Variants in PPFIBP1 observed in about 807,000 individuals in gnomAD.
PPFIBP1 encodes the protein liprin-beta-1.
PPFIBP1 carries 112 observed loss-of-function variants against 137.8 expected under a neutral mutation model. The observed-to-expected ratio is 0.81, with a 90% CI of 0.70 to 0.95. PPFIBP1 has a LOEUF of 0.95. PPFIBP1 is among the 40% of genes least tolerant of loss of function. The pLI is 0.00. For missense variants in PPFIBP1, 1,083 were observed against 1,196.6 expected (o/e 0.91, Z 1.40); for synonymous variants, 378 against 417.3 (o/e 0.91, Z 1.15).
At chr12:27,534,395 A>G (rs935599012) in intron 1 of PPFIBP1, among the ~76,000 whole-genome samples, 9 of 152,210 alleles carry the variant, frequency 5.9e-5, no homozygotes, top group African/African-American at 2.2e-4. Flanking sequence ...AAATTCACAG[A>G]CAAGTAACTC....
At chr12:27,595,255 C>CACACACGCGCAT (rs2053064268) in intron 2 of PPFIBP1, among the ~76,000 whole-genome samples, 1 of 152,228 alleles carries the variant, frequency 6.6e-6, no homozygotes, top group African/African-American at 2.4e-5. Flanking sequence ...CGCACAAACA[C>CACACACGCGCAT]ACACACGCGC....
chr12:27,651,262 C>A (rs1197505097), intron 7 of PPFIBP1, among the ~76,000 whole-genome samples: 1 of 151,238 alleles, frequency 6.6e-6, no homozygotes, highest in African/African-American at 2.4e-5. Context: ...TCATTTGGTT[C>A]ATGTTTTAAT....
At chr12:27,571,649 A>G (rs74478980) in intron 1 of PPFIBP1, among the ~76,000 whole-genome samples, 2,502 of 152,324 alleles carry the variant, frequency 0.016, 68 homozygotes, top group African/African-American at 0.057. Flanking sequence ...TGATGACCTC[A>G]CTGGGGTGTG....
At chr12:27,585,463 A>G (rs1395901316) in intron 2 of PPFIBP1, among the ~76,000 whole-genome samples, 2 of 152,208 alleles carry the variant, frequency 1.3e-5, no homozygotes, top group African/African-American at 4.8e-5. Flanking sequence ...AATGACATTC[A>G]CTTTCAGATG....
At chr12:27,621,374 C>T (rs1426073983) in intron 2 of PPFIBP1, among the ~76,000 whole-genome samples, 1 of 152,234 alleles carries the variant, frequency 6.6e-6, no homozygotes, top group Non-Finnish European at 1.5e-5. Context: ...TTACTCCTCC[C>T]TTCAGCCAGC....
chr12:27,525,307 G>A (rs185172133), intron 1 of PPFIBP1, among the ~76,000 whole-genome samples: 1 of 152,038 alleles, frequency 6.6e-6, no homozygotes, highest in Non-Finnish European at 1.5e-5. Context: ...GGAGGAAAAA[G>A]ATACTTTTAA....
intron 2 of PPFIBP1, among the ~76,000 whole-genome samples, chr12:27,625,331 C>G (rs746934699): frequency 2.0e-5 from 3 of 152,144 alleles, no homozygotes; most frequent in Non-Finnish European, 1.5e-5. Context: ...CAACTTATGG[C>G]TAATCTTGTT....
intron 11 of PPFIBP1, 97 bp from the exon 12 acceptor site, chr12:27,664,265 C>T: frequency 1.3e-6 from 1 of 784,326 alleles, no homozygotes; most frequent in South Asian, 1.6e-5. Flanking sequence ...CATGCGTATT[C>T]TTTATGTAAT....
intron 2 of PPFIBP1, among the ~76,000 whole-genome samples, chr12:27,625,206 C>T (rs747713429): frequency 5.3e-5 from 8 of 151,994 alleles, no homozygotes; most frequent in Non-Finnish European, 1.5e-5. Flanking sequence ...GCCATGTTTG[C>T]GCCACTGCAC....
At chr12:27,641,946 A>AAAT (rs2058136122) in intron 4 of PPFIBP1, among the ~76,000 whole-genome samples, 2 of 147,796 alleles carry the variant, frequency 1.4e-5, no homozygotes, top group Non-Finnish European at 3.0e-5. Flanking sequence ...TGCAACTGCA[A>AAAT]AAATAAATAA....
intron 1 of PPFIBP1, among the ~76,000 whole-genome samples, chr12:27,525,711 G>T (rs1156491721): frequency 6.6e-6 from 1 of 152,054 alleles, no homozygotes; most frequent in East Asian, 1.9e-4. Context: ...GATGGAGAAA[G>T]AAAGAAGCCA....
intron 2 of PPFIBP1, among the ~76,000 whole-genome samples, chr12:27,602,828 A>G (rs2054135395): frequency 6.6e-6 from 1 of 152,194 alleles, no homozygotes; most frequent in African/African-American, 2.4e-5. Flanking sequence ...AAAATTGCAG[A>G]CAATATGACT....
intron 3 of PPFIBP1, 34 bp from the exon 4 acceptor site, chr12:27,634,876 C>T: frequency 6.4e-7 from 1 of 1,571,482 alleles, no homozygotes; most frequent in Non-Finnish European, 8.8e-7. Context: ...TAACATAAAT[C>T]CCATTGCTCT....
intron 1 of PPFIBP1, among the ~76,000 whole-genome samples, chr12:27,550,481 A>G (rs1946654439): frequency 1.3e-5 from 2 of 152,240 alleles, no homozygotes; most frequent in Non-Finnish European, 2.9e-5. Context: ...TCCTGTACAC[A>G]AGACACTGGA....
Position 27,682,648 on chromosome 12 carries a change from A to T in PPFIBP1, c.2192A>T (p.Lys731Met). ...GATGACATTGGCCTCCCTCAATATA[A>T]GACCCAGTTTGATGAAGGACGGGTT... ...WLDDIGLPQY[K>M]TQFDEGRVDG... Residue 731 changes from lysine to methionine, a missense_variant, in exon 24 of 30, where the codon AAG (lysine) becomes ATG (methionine). By Grantham distance (95) the Lys-to-Met change is moderately conservative. Transcript: ENST00000228425. The T allele has an allele frequency of 3.1e-6, 5 of 1,614,158 alleles. No homozygotes were observed. The highest frequency in any genetic ancestry group is 4.2e-6 in the Non-Finnish European group (5 of 1,180,014).
chr12:27,687,848 C>G (rs991653328), intron 25 of PPFIBP1, among the ~76,000 whole-genome samples: 5 of 152,030 alleles, frequency 3.3e-5, no homozygotes, highest in African/African-American at 1.2e-4. Context: ...TTTGGGAGGC[C>G]AAGGCAGAAG....
chr12:27,612,131 A>C (rs770146215), intron 2 of PPFIBP1, among the ~76,000 whole-genome samples: 1 of 152,070 alleles, frequency 6.6e-6, no homozygotes, highest in Non-Finnish European at 1.5e-5. Context: ...CTTGCAGCTG[A>C]CTTTCTATCA....
rs1376383080 is a variant in PPFIBP1 at position 27,691,618 on chromosome 12, A to G, written c.2686-131A>G. ...ACATCCAGCTACTTTTCTCTCTACC[A>G]TGGGGTAAATAATTAAATTATACAT... is the stretch of plus-strand genomic sequence containing the variant. On this transcript the variant is annotated intron_variant, in intron 27 of 29. Transcript: ENST00000228425. The G allele has an allele frequency of 9.7e-6, 6 of 618,472 alleles. No homozygotes were observed. In the South Asian group the frequency reaches 1.1e-4, roughly 11 times the overall value. 38.3% of individuals were successfully genotyped at this position (618,472 alleles called of 1,614,324 possible).
chr12:27,668,465 A>C (rs976128102), intron 13 of PPFIBP1, among the ~76,000 whole-genome samples: 1 of 152,204 alleles, frequency 6.6e-6, no homozygotes, highest in Non-Finnish European at 1.5e-5. Context: ...CATGTTGCCA[A>C]TCCTCTGGGC....
Sources: allele counts gnomAD v4.1 joint callset (sites outside exome capture counted in the v4.1 genomes callset), GRCh38; gene constraint gnomAD v4.1.1; transcripts MANE v1.5; gene names NCBI Gene and HGNC (gene_info 2026-07-23, HGNC 2026-07-21).